The following TENM4 variants were observed in gnomAD, a reference collection of about 807,000 sequenced individuals.
The protein encoded by TENM4 is teneurin-4.
A neutral mutation model predicts 243.3 loss-of-function variants in TENM4; 82 were observed. That is an observed-to-expected ratio of 0.34 (90% CI 0.28 to 0.40). The LOEUF is 0.40. TENM4 is among the 10% of genes least tolerant of loss of function. The pLI is 1.00. For missense variants in TENM4, 3,138 were observed against 3,673.3 expected (o/e 0.85, Z 3.77); for synonymous variants, 1,412 against 1,456.3 (o/e 0.97, Z 0.69).
chr11:79,220,270 C>T (rs1245497076), intron 2 of TENM4, among the ~76,000 whole-genome samples: 1 of 152,160 alleles, frequency 6.6e-6, no homozygotes, highest in Non-Finnish European at 1.5e-5. Context: ...AAAAAGATAT[C>T]CTCATTCTAA....
intron 1 of TENM4, among the ~76,000 whole-genome samples, chr11:79,355,970 G>T (rs781333724): frequency 8.2e-4 from 125 of 152,246 alleles, no homozygotes; most frequent in Non-Finnish European, 1.6e-3. Context: ...GGGGTTTGAG[G>T]GGCCCAAGGC....
intron 5 of TENM4, among the ~76,000 whole-genome samples, chr11:79,069,360 G>C (rs561320859): frequency 1.1e-3 from 161 of 152,264 alleles, no homozygotes; most frequent in African/African-American, 3.7e-3. Flanking sequence ...TAAGTCCTCA[G>C]GACAATTCAG....
intron 32 of TENM4, among the ~76,000 whole-genome samples, chr11:78,664,181 G>A (rs1858095790): frequency 6.6e-6 from 1 of 152,208 alleles, no homozygotes; most frequent in Admixed American, 6.5e-5. Flanking sequence ...CTTCTATGGA[G>A]AAGAATACAA....
At chr11:79,263,876 A>T (rs1442883516) in intron 2 of TENM4, among the ~76,000 whole-genome samples, 5 of 152,202 alleles carry the variant, frequency 3.3e-5, no homozygotes, top group Non-Finnish European at 1.5e-5. Flanking sequence ...TTAACCACAT[A>T]TGAGAAAAGT....
chr11:79,349,853 G>C (rs1246818765), intron 1 of TENM4, among the ~76,000 whole-genome samples: 1 of 152,194 alleles, frequency 6.6e-6, no homozygotes, highest in Admixed American at 6.5e-5. Context: ...TCACAAAGCA[G>C]TTAGATAGTA....
At chr11:79,144,430 A>G (rs1301385228) in intron 4 of TENM4, among the ~76,000 whole-genome samples, 1 of 152,092 alleles carries the variant, frequency 6.6e-6, no homozygotes, top group Non-Finnish European at 1.5e-5. Flanking sequence ...ATTACTAGGT[A>G]CATACCCCAA....
chr11:78,943,946 T>G (rs1397980815), intron 6 of TENM4, among the ~76,000 whole-genome samples: 9 of 152,250 alleles, frequency 5.9e-5, no homozygotes, highest in Admixed American at 5.9e-4. Context: ...CGTGCCTGCC[T>G]CACTGCAGAG....
At position 78,805,277 on chromosome 11, in the gene TENM4, T is replaced by TGGCCCCCCCCCCCCCC; in HGVS notation, c.2179+14_2179+15insGGGGGGGGGGGGGGCC. On this transcript the variant is annotated intron_variant, in intron 15 of 33. Coordinates refer to ENST00000278550, the MANE Select transcript of TENM4 (RefSeq NM_001098816.3). The stretch of plus-strand genomic sequence containing the variant: ...CCCCTCCCTCTACCCATGCTTCTTC[T>TGGCCCCCCCCCCCCCC]CCCCCTGCATTTACCGATAGAACAG... The TGGCCCCCCCCCCCCCC allele has an allele frequency of 7.1e-7, 1 of 1,402,550 alleles. No homozygotes were observed. Among genetic ancestry groups the TGGCCCCCCCCCCCCCC allele is most frequent in the Non-Finnish European group, 9.7e-7 (1 of 1,033,116 alleles). The allele number at this position is 1,402,550 out of a possible 1,614,324, so 86.9% of individuals were successfully genotyped here.
intron 6 of TENM4, among the ~76,000 whole-genome samples, chr11:78,912,773 A>C (rs1022342444): frequency 3.3e-5 from 5 of 152,230 alleles, no homozygotes; most frequent in African/African-American, 1.2e-4. Flanking sequence ...CTCTATTCCT[A>C]GGGTCATGGT....
chr11:78,719,681 T>G (rs1443295949), intron 25 of TENM4, among the ~76,000 whole-genome samples: 1 of 152,230 alleles, frequency 6.6e-6, no homozygotes, highest in Non-Finnish European at 1.5e-5. Flanking sequence ...CAGGGGACTC[T>G]GAGGTGACTG....
chr11:78,875,250 A>G (rs1262093154), intron 9 of TENM4, among the ~76,000 whole-genome samples: 4 of 151,936 alleles, frequency 2.6e-5, no homozygotes, highest in African/African-American at 4.8e-5. Context: ...TTCTTTTGAG[A>G]CAGAGTCTCA....
chr11:78,983,715 G>A (rs1243930967), intron 6 of TENM4, among the ~76,000 whole-genome samples: 3 of 152,014 alleles, frequency 2.0e-5, no homozygotes, highest in Admixed American at 6.5e-5. Context: ...CAGAAGACAC[G>A]GCAGGGCCTG....
At chr11:78,832,219 C>T (rs113708811) in intron 12 of TENM4, among the ~76,000 whole-genome samples, 1 of 152,308 alleles carries the variant, frequency 6.6e-6, no homozygotes, top group African/African-American at 2.4e-5. Context: ...CAAATCCTTC[C>T]GGGCCTTCTT....
chr11:79,030,030 C>A (rs976897224), intron 6 of TENM4, among the ~76,000 whole-genome samples: 30 of 152,046 alleles, frequency 2.0e-4, no homozygotes, highest in African/African-American at 7.0e-4. Flanking sequence ...AGAACCCCAC[C>A]CAGTTCAATG....
intron 19 of TENM4, among the ~76,000 whole-genome samples, chr11:78,750,413 C>T (rs1792138): frequency 0.85 from 129,120 of 152,264 alleles, 55,400 homozygotes; most frequent in African/African-American, 0.92. Flanking sequence ...CCAAGTCTCC[C>T]GACTGAAATT....
intron 3 of TENM4, among the ~76,000 whole-genome samples, chr11:79,198,819 G>T (rs1303012210): frequency 6.6e-6 from 1 of 152,162 alleles, no homozygotes; most frequent in East Asian, 1.9e-4. Flanking sequence ...TGTTGAGCAG[G>T]GAGATGATGG....
At chr11:79,280,212 T>C (rs1856132948) in intron 2 of TENM4, among the ~76,000 whole-genome samples, 1 of 152,256 alleles carries the variant, frequency 6.6e-6, no homozygotes, top group African/African-American at 2.4e-5. Flanking sequence ...ACCAGTCTTC[T>C]GTAGTTTCCA....
At chr11:79,284,166 A>T (rs1472536418) in intron 2 of TENM4, among the ~76,000 whole-genome samples, 1 of 152,170 alleles carries the variant, frequency 6.6e-6, no homozygotes, top group African/African-American at 2.4e-5. Context: ...TCCCTACCAA[A>T]ATCTCAGCTG....
At chr11:78,895,328 C>T (rs1855767008) in intron 7 of TENM4, among the ~76,000 whole-genome samples, 3 of 133,544 alleles carry the variant, frequency 2.2e-5, no homozygotes, top group South Asian at 5.6e-4. Flanking sequence ...CAGAGTGAGA[C>T]TCCGTCTCCA....
Sources: allele counts gnomAD v4.1 joint callset (sites outside exome capture counted in the v4.1 genomes callset), GRCh38; gene constraint gnomAD v4.1.1; transcripts MANE v1.5; gene names NCBI Gene and HGNC (gene_info 2026-07-23, HGNC 2026-07-21).